PAX7: variants seen among roughly 807,000 people sequenced by gnomAD.
The protein encoded by PAX7 is paired box protein Pax-7.
PAX7 carries 18 observed loss-of-function variants against 50.7 expected under a neutral mutation model. That is an observed-to-expected ratio of 0.36 (90% CI 0.25 to 0.53). The LOEUF is 0.53. Among genes scored for constraint, PAX7 ranks in the 20% least tolerant of loss-of-function variants. The probability of loss-of-function intolerance (pLI) is 0.93; values close to 1 mark genes in which losing one functional copy is unlikely to be tolerated. For missense variants in PAX7, 644 were observed against 702.9 expected (o/e 0.92, Z 0.95); for synonymous variants, 310 against 290.4 (o/e 1.07, Z -0.69).
chr1:18,739,203 T>C (rs1930985114), intron 8 of PAX7, among the ~76,000 whole-genome samples: 1 of 152,196 alleles, frequency 6.6e-6, no homozygotes, highest in South Asian at 2.1e-4. Flanking sequence ...GCGAGGTAGC[T>C]TTTCCAAAAT....
chr1:18,708,535 A>G (rs1177499129), intron 7 of PAX7, among the ~76,000 whole-genome samples: 1 of 152,154 alleles, frequency 6.6e-6, no homozygotes, highest in Non-Finnish European at 1.5e-5. Flanking sequence ...AGCCTAGGCG[A>G]CAGAGAGAGA....
At chr1:18,685,528 G>A (rs2088961824) in intron 4 of PAX7, among the ~76,000 whole-genome samples, 1 of 152,202 alleles carries the variant, frequency 6.6e-6, no homozygotes, top group Non-Finnish European at 1.5e-5. Context: ...CCTTGGATGG[G>A]CCCAGGAAGC....
chr1:18,661,408 G>C (rs2088597962), intron 4 of PAX7, among the ~76,000 whole-genome samples: 1 of 152,120 alleles, frequency 6.6e-6, no homozygotes, highest in African/African-American at 2.4e-5. Context: ...GTGTGTCCAC[G>C]TCTCTTGGAT....
chr1:18,638,534 G>A (rs1227022582), intron 4 of PAX7, among the ~76,000 whole-genome samples: 2 of 152,206 alleles, frequency 1.3e-5, no homozygotes, highest in Non-Finnish European at 2.9e-5. Flanking sequence ...AGAAAGTCCC[G>A]CAGTTTTTGC....
At chr1:18,676,857 A>G (rs2088830107) in intron 4 of PAX7, among the ~76,000 whole-genome samples, 1 of 152,204 alleles carries the variant, frequency 6.6e-6, no homozygotes, top group Admixed American at 6.5e-5. Context: ...TCCATCAGAT[A>G]CAGCCCAGAC....
chr1:18,699,655 G>A (rs1016561100), intron 5 of PAX7, among the ~76,000 whole-genome samples: 1 of 151,726 alleles, frequency 6.6e-6, no homozygotes, highest in Admixed American at 6.6e-5. Flanking sequence ...CTGCCTCCCG[G>A]GTTCACGCCA....
At chr1:18,723,724 A>G (rs887953245) in intron 7 of PAX7, among the ~76,000 whole-genome samples, 2 of 152,130 alleles carry the variant, frequency 1.3e-5, no homozygotes, top group African/African-American at 2.4e-5. Context: ...TGGCGGGGGG[A>G]CCCAAATGCT....
rs1553142839 is a variant in PAX7 at position 18,725,317 on chromosome 1, C to CA, written c.1156-10314dup. 1.1e-3 allele frequency among the ~76,000 whole-genome samples: 149 copies of CA among 138,480 alleles called. 3 individuals are homozygous for CA. Among genetic ancestry groups the CA allele is most frequent in the African/African-American group, 3.2e-3 (118 of 37,038 alleles). The allele number at this position is 138,480 out of a possible 152,430, so 90.8% of individuals were successfully genotyped here. The stretch of plus-strand genomic sequence containing the variant: ...AGGTGGAGACGCCCCCCCCCCGCCC[C>CA]ACCAACACCGCCAGGCCAGGGGGGC... On this transcript the variant is annotated intron_variant, in intron 7 of 8. Transcript: ENST00000420770.
intron 4 of PAX7, among the ~76,000 whole-genome samples, chr1:18,672,256 T>C (rs2088760217): frequency 6.6e-6 from 1 of 152,180 alleles, no homozygotes; most frequent in South Asian, 2.1e-4. Context: ...CCTCTGAAAC[T>C]AGCCACCAGG....
At position 18,735,814 on chromosome 1, in the gene PAX7, C is replaced by A; in HGVS notation, c.1338C>A (p.Thr446=). ...CCTCCCAGGCCTACTGCCCACCCACCTACAGCACCACCGGCTACAGCGTGG... is the reference window on the plus strand; with the variant it reads ...CCTCCCAGGCCTACTGCCCACCCACATACAGCACCACCGGCTACAGCGTGG... ...LPTSQAYCPP[T]YSTTGYSVDP... is the part of the protein sequence containing the mutation. The change falls in exon 8 of 9, where the codon ACC becomes ACA. Residue 446 remains threonine (T), a synonymous_variant. Coordinates refer to ENST00000420770, the MANE Select transcript of PAX7 (RefSeq NM_001135254.2). This position sits in a 1 kb window ranked among gnomAD's most constrained non-coding sequence, Gnocchi z 4.0. 1 of 1,614,170 alleles carries A rather than the reference C, an allele frequency of 6.2e-7. No homozygotes were observed. Among genetic ancestry groups the A allele is most frequent in the Non-Finnish European group, 8.5e-7 (1 of 1,180,030 alleles).
In PAX7 at chr1:18,745,483, T is replaced by G. The variant is rs1931397494; in HGVS notation, c.*554T>G. 4.3e-6 allele frequency: 1 copy of G among 232,384 alleles called. No individual in the cohort carries two copies. The highest frequency in any genetic ancestry group is 5.6e-5 in the Admixed American group (1 of 18,010). 14.4% of individuals were successfully genotyped at this position (232,384 alleles called of 1,614,324 possible). ...AGAGGGGACCCTGGCCCTGGGGTCT[T>G]CCCAGGGGAGTCAGCAGGGGGGCAG... On this transcript the variant is annotated 3_prime_UTR_variant, in exon 9 of 9. Transcript: ENST00000420770.
intron 7 of PAX7, among the ~76,000 whole-genome samples, chr1:18,718,926 C>T (rs566732259): frequency 1.1e-4 from 17 of 152,252 alleles, no homozygotes; most frequent in African/African-American, 3.6e-4. Context: ...AGGCATGAGC[C>T]ACGGCACCCA....
rs558081898 is a variant in PAX7 at position 18,704,796 on chromosome 1, G to A, written c.1155+1500G>A. ...TTTCTGTTTGCCTCCATTAATTTGT[G>A]TAGTTGAGGGTTAATTGCCTTTCAG... On this transcript the variant is annotated intron_variant, in intron 7 of 8. Coordinates refer to ENST00000420770, the MANE Select transcript of PAX7 (RefSeq NM_001135254.2). 1.5e-3 allele frequency among the ~76,000 whole-genome samples: 227 copies of A among 152,150 alleles called. 1 individual carries two copies. Among genetic ancestry groups the A allele is most frequent in the African/African-American group, 4.8e-3 (199 of 41,506 alleles).
chr1:18,728,010 A>G (rs892042202), intron 7 of PAX7, among the ~76,000 whole-genome samples: 23 of 150,944 alleles, frequency 1.5e-4, no homozygotes, highest in African/African-American at 5.4e-4. Flanking sequence ...GAGTATTGAG[A>G]GGAAGAGGGG....
intron 7 of PAX7, among the ~76,000 whole-genome samples, chr1:18,717,383 C>A (rs2100360106): frequency 6.6e-6 from 1 of 152,316 alleles, no homozygotes; most frequent in Middle Eastern, 3.4e-3. Flanking sequence ...CCCTCGGGAG[C>A]GCCCCGTTCC....
chr1:18,668,544 T>A (rs969949043), intron 4 of PAX7, among the ~76,000 whole-genome samples: 4 of 151,924 alleles, frequency 2.6e-5, no homozygotes, highest in Non-Finnish European at 4.4e-5. Context: ...TTACAAAAAA[T>A]TTAAAAAAAA....
At position 18,703,269 on chromosome 1, in the gene PAX7, C is replaced by T. The variant is rs890664448; in HGVS notation, c.1128C>T (p.Asn376=). The part of the protein sequence containing the change: ...MNPAAPSNHM[N]PVSNGLSPQV... ...CGGCGGCGCCCTCCAACCACATGAA[C>T]CCGGTCAGCAACGGCCTGTCTCCTC... The change falls in exon 7 of 9, where the codon AAC becomes AAT. Residue 376 remains asparagine (N), a synonymous_variant. Coordinates refer to ENST00000420770, the MANE Select transcript of PAX7 (RefSeq NM_001135254.2). The T allele has an allele frequency of 6.8e-6, 11 of 1,614,030 alleles. No individual in the cohort carries two copies. The highest frequency in any genetic ancestry group is 3.3e-4 in the Middle Eastern group (2 of 6,084).
intron 8 of PAX7, among the ~76,000 whole-genome samples, chr1:18,737,285 C>T (rs901799430): frequency 4.6e-5 from 7 of 152,374 alleles, no homozygotes; most frequent in African/African-American, 1.7e-4. Context: ...TCCTCTCCCC[C>T]AGCCCAGCCC....
At position 18,686,020 on chromosome 1, in the gene PAX7, A is replaced by G. The variant is rs115788849; in HGVS notation, c.587-5734A>G. 8.5e-3 allele frequency among the ~76,000 whole-genome samples: 1,299 copies of G among 152,298 alleles called. 18 individuals are homozygous for G. Among genetic ancestry groups the G allele is most frequent in the South Asian group, 0.03 (143 of 4,826 alleles). The stretch of plus-strand genomic sequence containing the variant: ...AGCTTTGACAACGCAAATGGCTCCC[A>G]GCACCTTCCGCCCCTCATTCTGTCC... On this transcript the variant is annotated intron_variant, in intron 4 of 8. Transcript: ENST00000420770.
Sources: gnomAD v4.1 joint callset for allele counts (sites outside exome capture counted in the v4.1 genomes callset) on GRCh38, gnomAD v4.1.1 for gene constraint, Gnocchi (gnomAD v3.1) non-coding constraint, MANE v1.5 for transcripts, NCBI Gene and HGNC (gene_info 2026-07-23, HGNC 2026-07-21) for gene names.